Variants in MTUS2 observed in about 807,000 individuals in gnomAD.
MTUS2 encodes the protein microtubule-associated tumor suppressor candidate 2.
Under a neutral mutation model 114.1 loss-of-function variants are expected in MTUS2, and 40 were observed. That is an observed-to-expected ratio of 0.35 (90% CI 0.27 to 0.46). The LOEUF is 0.46. Among genes scored for constraint, MTUS2 ranks in the 20% least tolerant of loss-of-function variants. MTUS2 has a pLI of 1.00. For missense variants in MTUS2, 1,679 were observed against 1,705.4 expected, an observed-to-expected ratio of 0.98 and a Z score of 0.27; for synonymous variants, 688 against 672.0, an observed-to-expected ratio of 1.02 and a Z score of -0.37.
chr13:29,338,301 T>C (rs1241925361), intron 7 of MTUS2, among the ~76,000 whole-genome samples: 9 of 152,182 alleles, frequency 5.9e-5, no homozygotes, highest in African/African-American at 2.2e-4. Context: ...TAAAAAATAT[T>C]TGCAGCCAGA....
chr13:29,415,839 T>A (rs1875620681), intron 8 of MTUS2, among the ~76,000 whole-genome samples: 1 of 152,190 alleles, frequency 6.6e-6, no homozygotes, highest in African/African-American at 2.4e-5. Context: ...GTTGTTGTTC[T>A]AGTGGTTATA....
intron 2 of MTUS2, among the ~76,000 whole-genome samples, chr13:28,956,115 G>A (rs180798535): frequency 2.0e-3 from 282 of 138,714 alleles, no homozygotes; most frequent in African/African-American, 7.3e-3. Flanking sequence ...ATGCCTTTGC[G>A]TCCTCATAGC....
intron 8 of MTUS2, 69 bp from the exon 9 acceptor site, chr13:29,439,914 T>C: frequency 8.6e-7 from 1 of 1,159,798 alleles, no homozygotes; most frequent in Non-Finnish European, 1.3e-6. Flanking sequence ...GATTCATTAA[T>C]TAATCATGTG....
intron 4 of MTUS2, among the ~76,000 whole-genome samples, chr13:29,098,870 A>G (rs1890290625): frequency 6.6e-6 from 1 of 152,308 alleles, no homozygotes; most frequent in South Asian, 2.1e-4. Flanking sequence ...TTTTGTTCAT[A>G]TTCTCCTCAC....
At chr13:28,988,471 T>C (rs1884683844) in intron 2 of MTUS2, among the ~76,000 whole-genome samples, 1 of 152,244 alleles carries the variant, frequency 6.6e-6, no homozygotes, top group Admixed American at 6.5e-5. Flanking sequence ...TACTTTACTT[T>C]TCAATTTCTA....
At chr13:28,832,289 T>C (rs983910821) in intron 1 of MTUS2, among the ~76,000 whole-genome samples, 52 of 152,080 alleles carry the variant, frequency 3.4e-4, no homozygotes, top group African/African-American at 1.2e-3. Flanking sequence ...TTTCAATGAA[T>C]TTAAAAGGGC....
At chr13:29,129,262 G>A (rs546860603) in intron 5 of MTUS2, among the ~76,000 whole-genome samples, 3 of 146,762 alleles carry the variant, frequency 2.0e-5, no homozygotes, top group Admixed American at 6.9e-5. Context: ...ATTTAGCTCT[G>A]TTATTTGAGA....
chr13:29,351,666 G>A (rs1869293416), intron 7 of MTUS2, among the ~76,000 whole-genome samples: 2 of 151,826 alleles, frequency 1.3e-5, no homozygotes, highest in Admixed American at 1.3e-4. Context: ...TGCAGTGCAT[G>A]ATGTCAGCTC....
chr13:29,020,372 T>C (rs536142433), intron 2 of MTUS2, among the ~76,000 whole-genome samples: 1 of 152,206 alleles, frequency 6.6e-6, no homozygotes, highest in Non-Finnish European at 1.5e-5. Flanking sequence ...TTTGAACTTC[T>C]GTGATCATGT....
chr13:28,895,484 C>A (rs531390840), intron 2 of MTUS2, among the ~76,000 whole-genome samples: 4 of 152,102 alleles, frequency 2.6e-5, no homozygotes. Flanking sequence ...TTAATTCAGA[C>A]AATTAGAGAG....
intron 5 of MTUS2, among the ~76,000 whole-genome samples, chr13:29,272,226 G>T (rs1593247259): frequency 1.3e-5 from 2 of 152,198 alleles, no homozygotes; most frequent in African/African-American, 4.8e-5. Flanking sequence ...AGTGATAAAT[G>T]CTGCTAAGTC....
chr13:29,285,400 A>G (rs1369897041), intron 6 of MTUS2, among the ~76,000 whole-genome samples: 1 of 152,228 alleles, frequency 6.6e-6, no homozygotes, highest in East Asian at 1.9e-4. Context: ...CACATGATAA[A>G]ACATCCCTTT....
chr13:29,085,128 T>C (rs1565999555), intron 4 of MTUS2, among the ~76,000 whole-genome samples: 1 of 152,184 alleles, frequency 6.6e-6, no homozygotes, highest in African/African-American at 2.4e-5. Context: ...CCATGTGACA[T>C]GCAGGCTTCC....
rs1348488831 is a variant in MTUS2, at chr13:28,978,994, G to T, written c.-242-45463G>T. On this transcript the variant is annotated intron_variant, in intron 2 of 15. Transcript: ENST00000612955. ...TAGGGTTGTGGAAAGCAGCCCCGTG[G>T]ATCATTCAGAAGAGAGGCAAGTCCC... Among the ~76,000 whole-genome samples the T allele has an allele frequency of 2.0e-5, 3 of 152,166 alleles. No individual in the cohort carries two copies. The East Asian group carries it at 5.8e-4, about 29-fold the overall frequency.
chr13:29,199,630 G>A (rs1894853198), intron 5 of MTUS2, among the ~76,000 whole-genome samples: 1 of 152,164 alleles, frequency 6.6e-6, no homozygotes. Flanking sequence ...ATGTTCATCA[G>A]GGATATGGGC....
intron 2 of MTUS2, among the ~76,000 whole-genome samples, chr13:28,845,098 C>G (rs1368098478): frequency 1.3e-5 from 2 of 152,012 alleles, no homozygotes; most frequent in African/African-American, 4.8e-5. Flanking sequence ...AGACTATAGG[C>G]AAGTGTCACC....
chr13:29,389,723 A>G lies in MTUS2; in HGVS notation c.3117+30250A>G, dbSNP rs536908518. ...TATATGTGTATATGTATATATACAT[A>G]CATATGTGTGTATATGTATATACAT... On this transcript the variant is annotated intron_variant, in intron 8 of 15. Coordinates refer to ENST00000612955, the MANE Select transcript of MTUS2 (RefSeq NM_001033602.4). 2.4e-4 allele frequency among the ~76,000 whole-genome samples: 25 copies of G among 106,076 alleles called. 9 individuals carry two copies. Among genetic ancestry groups the G allele is most frequent in the African/African-American group, 8.7e-4 (25 of 28,862 alleles). The allele number at this position is 106,076 out of a possible 152,430, so 69.6% of individuals were successfully genotyped here.
intron 2 of MTUS2, among the ~76,000 whole-genome samples, chr13:28,885,580 C>A (rs1878544940): frequency 6.6e-6 from 1 of 152,108 alleles, no homozygotes; most frequent in Admixed American, 6.6e-5. Context: ...TTCCTGGGGT[C>A]AAATTTAGGA....
intron 2 of MTUS2, among the ~76,000 whole-genome samples, chr13:28,978,895 C>A (rs746726927): frequency 6.6e-6 from 1 of 152,122 alleles, no homozygotes; most frequent in East Asian, 1.9e-4. Flanking sequence ...GTACAACCAG[C>A]CAGTGAGGCT....
Sources: allele counts gnomAD v4.1 joint callset (sites outside exome capture counted in the v4.1 genomes callset), GRCh38; gene constraint gnomAD v4.1.1; transcripts MANE v1.5; gene names NCBI Gene and HGNC (gene_info 2026-07-23, HGNC 2026-07-21).